Variants in NR3C2 observed in about 807,000 individuals in gnomAD.
The protein encoded by NR3C2 is mineralocorticoid receptor.
Under a neutral mutation model 86.4 loss-of-function variants are expected in NR3C2, and 15 were observed. The observed-to-expected ratio is 0.17, with a 90% CI of 0.12 to 0.27. NR3C2 has a LOEUF of 0.27. Ranked by LOEUF, NR3C2 falls within the 10% of genes least tolerant of loss-of-function variation. The probability of loss-of-function intolerance (pLI) is 1.00; values close to 1 mark genes in which losing one functional copy is unlikely to be tolerated. For synonymous variants in NR3C2, 458 were observed against 450.5 expected, an observed-to-expected ratio of 1.02 and a Z score of -0.21; for missense variants, 960 against 1,195.6, an observed-to-expected ratio of 0.80 and a Z score of 2.91.
At chr4:148,083,797 A>G (rs1470132169) in intron 8 of NR3C2, among the ~76,000 whole-genome samples, 2 of 152,174 alleles carry the variant, frequency 1.3e-5, no homozygotes, top group Non-Finnish European at 1.5e-5. Flanking sequence ...CGAATTGTTA[A>G]CTAGAATAAC....
At position 148,435,907 on chromosome 4, in the gene NR3C2, GTTA is replaced by G; in HGVS notation, c.951_953del (p.Asn318del). ...CTGCCGGACTGGAAAGCGTGGATCT[GTTA>G]TTAGTGTTCGAAGGGCTGGAAACAG... On this transcript the variant is annotated inframe_deletion, in exon 2 of 9. Coordinates refer to ENST00000358102, the MANE Select transcript of NR3C2 (RefSeq NM_000901.5). 1 of 1,614,180 alleles carries G rather than the reference GTTA, an allele frequency of 6.2e-7. No individual in the cohort carries two copies. Among genetic ancestry groups the G allele is most frequent in the Non-Finnish European group, 8.5e-7 (1 of 1,180,020 alleles).
chr4:148,235,653 AT>A (rs560962083), intron 3 of NR3C2, among the ~76,000 whole-genome samples: 1 of 152,108 alleles, frequency 6.6e-6, no homozygotes, highest in Admixed American at 6.5e-5. Context: ...CAGTCTATTG[AT>A]TTTTAGTAAG....
intron 3 of NR3C2, among the ~76,000 whole-genome samples, chr4:148,214,066 G>T (rs1263026547): frequency 6.6e-6 from 1 of 152,166 alleles, no homozygotes; most frequent in African/African-American, 2.4e-5. Context: ...AGAAGACCTG[G>T]GGTTGAAATC....
chr4:148,177,484 T>C (rs981775288), intron 4 of NR3C2, among the ~76,000 whole-genome samples: 9 of 152,136 alleles, frequency 5.9e-5, no homozygotes, highest in Non-Finnish European at 1.5e-5. Context: ...CACAATAACA[T>C]AATTCAGTGT....
intron 2 of NR3C2, among the ~76,000 whole-genome samples, chr4:148,286,474 C>T (rs912918530): frequency 6.6e-6 from 1 of 152,160 alleles, no homozygotes; most frequent in Non-Finnish European, 1.5e-5. Context: ...TCACAATAAC[C>T]ATATGGTCAC....
intron 2 of NR3C2, among the ~76,000 whole-genome samples, chr4:148,426,111 T>C (rs1253820777): frequency 2.6e-5 from 4 of 152,198 alleles, no homozygotes; most frequent in Admixed American, 1.3e-4. Flanking sequence ...TTCTTTGCGC[T>C]ACCATCTCCT....
intron 3 of NR3C2, among the ~76,000 whole-genome samples, chr4:148,247,645 G>A (rs1186877604): frequency 6.6e-6 from 1 of 150,998 alleles, no homozygotes; most frequent in Non-Finnish European, 1.5e-5. Context: ...TTTTATTAGT[G>A]GGAATGGACC....
intron 7 of NR3C2, among the ~76,000 whole-genome samples, chr4:148,118,701 A>T (rs182718233): frequency 1.9e-4 from 29 of 152,254 alleles, no homozygotes; most frequent in Non-Finnish European, 3.7e-4. Flanking sequence ...CACGCCACAC[A>T]ATCTGCTCCA....
At chr4:148,139,788 T>C (rs1453387687) in intron 6 of NR3C2, among the ~76,000 whole-genome samples, 4 of 152,084 alleles carry the variant, frequency 2.6e-5, no homozygotes. Context: ...TTCAGAACAG[T>C]GTCAGCTGCC....
intron 1 of NR3C2, among the ~76,000 whole-genome samples, chr4:148,437,236 G>A (rs1750125867): frequency 6.6e-6 from 1 of 152,188 alleles, no homozygotes; most frequent in African/African-American, 2.4e-5. Flanking sequence ...TTAGTGAAGT[G>A]GGTGGCTTGC....
At chr4:148,404,500 T>C (rs2126543329) in intron 2 of NR3C2, among the ~76,000 whole-genome samples, 1 of 152,284 alleles carries the variant, frequency 6.6e-6, no homozygotes, top group East Asian at 1.9e-4. Flanking sequence ...GGACACGTTA[T>C]CTGTGCACAA....
chr4:148,315,502 C>T (rs888346366), intron 2 of NR3C2, among the ~76,000 whole-genome samples: 9 of 152,178 alleles, frequency 5.9e-5, no homozygotes, highest in Middle Eastern at 3.2e-3. Context: ...ATTTTACACC[C>T]TCTGAATATT....
intron 3 of NR3C2, among the ~76,000 whole-genome samples, chr4:148,232,561 G>A (rs1224167278): frequency 1.3e-5 from 2 of 152,132 alleles, no homozygotes; most frequent in African/African-American, 4.8e-5. Flanking sequence ...AGCACAATTC[G>A]TAAGGGCCCT....
At chr4:148,266,743 T>C (rs1740415368) in intron 2 of NR3C2, among the ~76,000 whole-genome samples, 1 of 152,128 alleles carries the variant, frequency 6.6e-6, no homozygotes. Flanking sequence ...ACTGCAGAAG[T>C]CGGTGACCTT....
chr4:148,120,354 T>G, intron 6 of NR3C2, 66 bp from the exon 7 acceptor site: 1 of 1,598,676 alleles, frequency 6.3e-7, no homozygotes, highest in Non-Finnish European at 8.6e-7. Flanking sequence ...ACTGGCAGCC[T>G]GAGGCAGCTT....
chr4:148,162,945 G>A (rs770564567), intron 4 of NR3C2, among the ~76,000 whole-genome samples: 4 of 152,214 alleles, frequency 2.6e-5, no homozygotes, highest in Non-Finnish European at 5.9e-5. Flanking sequence ...AAGAAAAAAA[G>A]GTAGAAAAGA....
intron 2 of NR3C2, among the ~76,000 whole-genome samples, chr4:148,406,472 G>A (rs753207328): frequency 6.6e-6 from 1 of 152,044 alleles, no homozygotes; most frequent in Non-Finnish European, 1.5e-5. Flanking sequence ...GGTATGGAAA[G>A]ATAATTACCC....
In NR3C2 at chr4:148,301,068, C is replaced by T. The variant is rs376841439; in HGVS notation, c.1758-40951G>A. Reference sequence around the variant, plus strand: ...TTGTCAGCTATACCTGTTTATTAGGCCCTAGAAACTACATGCTTTCCTACC... The same window carrying T: ...TTGTCAGCTATACCTGTTTATTAGGTCCTAGAAACTACATGCTTTCCTACC... On this transcript the variant is annotated intron_variant, in intron 2 of 8. Transcript: ENST00000358102. Among the ~76,000 whole-genome samples the T allele has an allele frequency of 3.3e-5, 5 of 152,232 alleles. No homozygotes were observed. In the South Asian group the frequency reaches 8.3e-4, roughly 25 times the overall value.
At chr4:148,186,944 CA>C (rs1735923956) in intron 4 of NR3C2, among the ~76,000 whole-genome samples, 1 of 140,486 alleles carries the variant, frequency 7.1e-6, no homozygotes, top group Admixed American at 7.4e-5. Flanking sequence ...GCTGTTAATT[CA>C]TTCCTTTTTA....
Sources: gnomAD v4.1 joint callset for allele counts (sites outside exome capture counted in the v4.1 genomes callset) on GRCh38, gnomAD v4.1.1 for gene constraint, MANE v1.5 for transcripts, NCBI Gene and HGNC (gene_info 2026-07-23, HGNC 2026-07-21) for gene names.